The following CBLB variants were observed in gnomAD, a reference collection of about 807,000 sequenced individuals.
The protein encoded by CBLB is E3 ubiquitin-protein ligase CBL-B.
In CBLB, 31 loss-of-function variants were observed where a neutral mutation model predicts 104.9. That is an observed-to-expected ratio of 0.30 (90% CI 0.22 to 0.40). CBLB has a LOEUF of 0.40. CBLB is among the 10% of genes least tolerant of loss of function. The pLI is 1.00. For missense variants in CBLB, 1,062 were observed against 1,214.6 expected (o/e 0.87, Z 1.87); for synonymous variants, 440 against 422.6 (o/e 1.04, Z -0.51).
intron 13 of CBLB, among the ~76,000 whole-genome samples, chr3:105,686,355 C>A (rs961984847): frequency 6.6e-6 from 1 of 151,812 alleles, no homozygotes; most frequent in African/African-American, 2.4e-5. Context: ...GGACGACCAA[C>A]TAGTTTGCAA....
At chr3:105,820,186 G>A (rs997592935) in intron 3 of CBLB, among the ~76,000 whole-genome samples, 2 of 152,050 alleles carry the variant, frequency 1.3e-5, no homozygotes, top group African/African-American at 4.8e-5. Context: ...TTCACAATAG[G>A]GTTCACACTC....
At chr3:105,845,370 TG>T (rs1171170799) in intron 3 of CBLB, among the ~76,000 whole-genome samples, 1 of 145,644 alleles carries the variant, frequency 6.9e-6, no homozygotes, top group Non-Finnish European at 1.5e-5. Context: ...AGTATTAACA[TG>T]GGGCTTAGAA....
intron 14 of CBLB, among the ~76,000 whole-genome samples, chr3:105,684,557 CTTT>C (rs71627686): frequency 6.8e-6 from 1 of 146,824 alleles, no homozygotes; most frequent in Admixed American, 6.7e-5. Context: ...TCCACACATT[CTTT>C]TTTTTTTTTT....
intron 3 of CBLB, among the ~76,000 whole-genome samples, chr3:105,830,308 T>C (rs958587290): frequency 6.6e-6 from 1 of 152,242 alleles, no homozygotes; most frequent in African/African-American, 2.4e-5. Flanking sequence ...ATTTAGATCC[T>C]TGTACTCTGT....
At chr3:105,664,646 C>T (rs577430007) in intron 18 of CBLB, among the ~76,000 whole-genome samples, 1 of 152,274 alleles carries the variant, frequency 6.6e-6, no homozygotes, top group East Asian at 1.9e-4. Context: ...ACAAAATAGT[C>T]TCAGATCTCC....
chr3:105,836,015 C>T (rs1477863437), intron 3 of CBLB, among the ~76,000 whole-genome samples: 1 of 152,146 alleles, frequency 6.6e-6, no homozygotes, highest in Non-Finnish European at 1.5e-5. Flanking sequence ...CACTGATCTT[C>T]CAATATAAAG....
chr3:105,664,317 T>C (rs2064135069), intron 18 of CBLB, among the ~76,000 whole-genome samples: 1 of 152,184 alleles, frequency 6.6e-6, no homozygotes, highest in Non-Finnish European at 1.5e-5. Context: ...TAGTATTTGA[T>C]AGTACATAAA....
intron 3 of CBLB, among the ~76,000 whole-genome samples, chr3:105,830,384 T>A (rs1032559127): frequency 6.6e-6 from 1 of 152,312 alleles, no homozygotes; most frequent in Non-Finnish European, 1.5e-5. Context: ...TGTAATAATT[T>A]CCCCTGACTC....
At chr3:105,667,120 G>A (rs2064555148) in intron 18 of CBLB, among the ~76,000 whole-genome samples, 1 of 152,152 alleles carries the variant, frequency 6.6e-6, no homozygotes, top group Admixed American at 6.6e-5. Context: ...TTTGTAATGA[G>A]ATCTCCTTTA....
At chr3:105,744,938 GCAAAA>G (rs781015085) in intron 6 of CBLB, among the ~76,000 whole-genome samples, 69 of 151,302 alleles carry the variant, frequency 4.6e-4, no homozygotes, top group African/African-American at 1.5e-3. Context: ...CAAAAACAAA[GCAAAA>G]CAAAACAAAA....
intron 12 of CBLB, among the ~76,000 whole-genome samples, chr3:105,698,412 C>T (rs1401186814): frequency 6.6e-6 from 1 of 151,878 alleles, no homozygotes; most frequent in East Asian, 1.9e-4. Flanking sequence ...TGAAGGGAAG[C>T]GAGTCCTCGC....
At chr3:105,790,037 T>G (rs1328053913) in intron 3 of CBLB, among the ~76,000 whole-genome samples, 1 of 152,356 alleles carries the variant, frequency 6.6e-6, no homozygotes, top group East Asian at 1.9e-4. Flanking sequence ...ATTCAATAGA[T>G]GCACTGCTAT....
intron 3 of CBLB, among the ~76,000 whole-genome samples, chr3:105,800,573 T>C (rs1372560856): frequency 6.6e-6 from 1 of 152,140 alleles, no homozygotes; most frequent in Non-Finnish European, 1.5e-5. Context: ...ACAGAACAAC[T>C]AGCCTTAGAC....
chr3:105,705,727 T>G (rs1347567263), intron 10 of CBLB, among the ~76,000 whole-genome samples: 1 of 152,226 alleles, frequency 6.6e-6, no homozygotes, highest in Non-Finnish European at 1.5e-5. Flanking sequence ...ACTTCTTCAC[T>G]GTTAAGTTTC....
At chr3:105,842,395 C>A (rs1307696746) in intron 3 of CBLB, among the ~76,000 whole-genome samples, 2 of 152,154 alleles carry the variant, frequency 1.3e-5, no homozygotes, top group East Asian at 1.9e-4. Flanking sequence ...CCAAGTTATA[C>A]CATGTTTAAA....
At chr3:105,733,329 C>T (rs2074544016) in intron 9 of CBLB, among the ~76,000 whole-genome samples, 1 of 151,454 alleles carries the variant, frequency 6.6e-6, no homozygotes, top group African/African-American at 2.4e-5. Context: ...TGCACTCCAG[C>T]CTGGGCGACA....
At chr3:105,735,174 T>C (rs1323866501) in intron 8 of CBLB, among the ~76,000 whole-genome samples, 5 of 152,216 alleles carry the variant, frequency 3.3e-5, no homozygotes, top group Admixed American at 6.5e-5. Flanking sequence ...GAGAAAAATA[T>C]ACATATACAT....
intron 6 of CBLB, among the ~76,000 whole-genome samples, chr3:105,741,681 C>A (rs925797263): frequency 2.0e-5 from 3 of 152,080 alleles, no homozygotes; most frequent in African/African-American, 7.2e-5. Context: ...AGGCATGAGC[C>A]ACCGCGCCTG....
rs997037002 is a variant in CBLB at position 105,678,491 on chromosome 3, T to G, written c.2509A>C (p.Lys837Gln). Residue 837 changes from lysine to glutamine, a missense_variant, in exon 17 of 19, where the codon AAA becomes CAA. Around this residue, in one of 2 missense-constraint regions of CBLB, gnomAD observed 605 missense variants for 582.6 expected, o/e 1.04. Coordinates refer to ENST00000394030, the MANE Select transcript of CBLB (RefSeq NM_170662.5). ...GGCCGGCTACTGGAGCCAGGAGGTT[T>G]TGAATGTTCAATGAGACTATGCCTT... is the stretch of plus-strand genomic sequence containing the variant. ...PARHSLIEHSKPPGSSSRPSS... is the reference protein window; with the variant it reads ...PARHSLIEHSQPPGSSSRPSS... 5 of 1,614,058 alleles carry G rather than the reference T, an allele frequency of 3.1e-6. No homozygotes were observed. Among genetic ancestry groups the G allele is most frequent in the Non-Finnish European group, 4.2e-6 (5 of 1,179,962 alleles).
Sources: allele counts gnomAD v4.1 joint callset (sites outside exome capture counted in the v4.1 genomes callset), GRCh38; gene constraint gnomAD v4.1.1; regional missense constraint gnomAD v4.1.1; transcripts MANE v1.5; gene names NCBI Gene and HGNC (gene_info 2026-07-23, HGNC 2026-07-21).